The following RFX7 variants were observed in gnomAD, a reference collection of about 807,000 sequenced individuals.
RFX7 encodes DNA-binding protein RFX7.
In RFX7, 26 loss-of-function variants were observed where a neutral mutation model predicts 111.8. The ratio of observed to expected loss-of-function variants is 0.23; its 90% CI spans 0.17 to 0.32. The LOEUF is 0.32. Among genes scored for constraint, RFX7 ranks in the 10% least tolerant of loss-of-function variants. The pLI is 1.00. For synonymous variants in RFX7, 624 were observed against 624.4 expected, an observed-to-expected ratio of 1.00 and a Z score of 0.01; for missense variants, 1,573 against 1,772.9, an observed-to-expected ratio of 0.89 and a Z score of 2.02.
At chr15:56,187,660 A>G (rs1197642732) in intron 2 of RFX7, among the ~76,000 whole-genome samples, 2 of 152,198 alleles carry the variant, frequency 1.3e-5, no homozygotes, top group Non-Finnish European at 2.9e-5. Context: ...CAAAATTTCT[A>G]TATGAACTAC....
At chr15:56,161,994 G>A (rs2042725310) in intron 3 of RFX7, among the ~76,000 whole-genome samples, 1 of 152,028 alleles carries the variant, frequency 6.6e-6, no homozygotes, top group Non-Finnish European at 1.5e-5. Context: ...CTCAGGAGAA[G>A]CCAAGGTTAT....
At chr15:56,180,523 TGAGATGTGA>T (rs1464604314) in intron 2 of RFX7, among the ~76,000 whole-genome samples, 1 of 152,170 alleles carries the variant, frequency 6.6e-6, no homozygotes, top group African/African-American at 2.4e-5. Flanking sequence ...CAGTTTCCTC[TGAGATGTGA>T]GAGTAATCTA....
chr15:56,146,988 A>G (rs1295766221), intron 3 of RFX7, among the ~76,000 whole-genome samples: 1 of 152,234 alleles, frequency 6.6e-6, no homozygotes, highest in Non-Finnish European at 1.5e-5. Flanking sequence ...AACAATGCTC[A>G]CTGGTTTAGG....
intron 3 of RFX7, among the ~76,000 whole-genome samples, chr15:56,150,870 T>A (rs899666942): frequency 2.0e-5 from 3 of 152,008 alleles, no homozygotes; most frequent in Non-Finnish European, 4.4e-5. Flanking sequence ...GAGAAGAACA[T>A]AAATGACCTG....
intron 3 of RFX7, among the ~76,000 whole-genome samples, chr15:56,162,175 T>C (rs565716390): frequency 6.6e-6 from 1 of 152,178 alleles, no homozygotes; most frequent in South Asian, 2.1e-4. Flanking sequence ...GCTGCCACAA[T>C]GCTTTCAAAA....
chr15:56,234,027 G>C (rs1306701290), intron 2 of RFX7, among the ~76,000 whole-genome samples: 1 of 152,096 alleles, frequency 6.6e-6, no homozygotes, highest in African/African-American at 2.4e-5. Flanking sequence ...GATTAACAAT[G>C]ACCAAGTAAG....
In RFX7 at chr15:56,102,270, G is replaced by C. The variant is rs770449498; in HGVS notation, c.519-17C>G. 2 of 1,494,050 alleles carry C rather than the reference G, an allele frequency of 1.3e-6. No individual in the cohort carries two copies. Among genetic ancestry groups the C allele is most frequent in the Admixed American group, 3.6e-5 (2 of 54,994 alleles). 92.5% of individuals were successfully genotyped at this position (1,494,050 alleles called of 1,614,324 possible). ...TAGCAATATGTAATAAACAGTTAAG[G>C]TCTAAATATTCAAAATTAAATGAAT... On this transcript the variant is annotated splice_polypyrimidine_tract_variant and intron_variant, in intron 6 of 9. Transcript: ENST00000559447.
chr15:56,167,454 CT>C (rs2141101089), intron 3 of RFX7, among the ~76,000 whole-genome samples: 1 of 152,256 alleles, frequency 6.6e-6, no homozygotes, highest in African/African-American at 2.4e-5. Context: ...TAATAATGCT[CT>C]GGTGTTGGAT....
At chr15:56,134,846 T>C (rs533654385) in intron 5 of RFX7, among the ~76,000 whole-genome samples, 2 of 152,220 alleles carry the variant, frequency 1.3e-5, no homozygotes, top group African/African-American at 4.8e-5. Context: ...TCCCCACCTA[T>C]GAGTGAGAAT....
At chr15:56,194,130 A>C (rs1230336508) in intron 2 of RFX7, among the ~76,000 whole-genome samples, 2 of 152,164 alleles carry the variant, frequency 1.3e-5, no homozygotes, top group East Asian at 1.9e-4. Context: ...AATCATTGAT[A>C]AACTATTTTT....
At chr15:56,216,294 T>G (rs1453219292) in intron 2 of RFX7, among the ~76,000 whole-genome samples, 4 of 152,224 alleles carry the variant, frequency 2.6e-5, no homozygotes, top group African/African-American at 9.6e-5. Context: ...TTGTGGGCAA[T>G]TTTTAAAGAA....
At chr15:56,119,235 T>A (rs1041905930) in intron 5 of RFX7, among the ~76,000 whole-genome samples, 2 of 152,202 alleles carry the variant, frequency 1.3e-5, no homozygotes, top group African/African-American at 4.8e-5. Context: ...CCTGTGCTTG[T>A]AGGGTATTGC....
At chr15:56,167,217 A>C (rs1314465844) in intron 3 of RFX7, among the ~76,000 whole-genome samples, 1 of 152,158 alleles carries the variant, frequency 6.6e-6, no homozygotes, top group Non-Finnish European at 1.5e-5. Flanking sequence ...CTGAGGCAGA[A>C]GGATCACTTG....
chr15:56,200,642 T>A (rs1336426023), intron 2 of RFX7, among the ~76,000 whole-genome samples: 1 of 151,742 alleles, frequency 6.6e-6, no homozygotes, highest in East Asian at 1.9e-4. Flanking sequence ...CTACTAAAAA[T>A]ACAAAAATTA....
chr15:56,138,756 G>A (rs1474095886), intron 5 of RFX7, among the ~76,000 whole-genome samples: 1 of 152,036 alleles, frequency 6.6e-6, no homozygotes, highest in African/African-American at 2.4e-5. Flanking sequence ...GCTGGTACTG[G>A]TTTTTCCTTT....
At position 56,094,951 on chromosome 15, in the gene RFX7, G is replaced by T; in HGVS notation, c.2777C>A (p.Ser926Ter). ...SQSVTPGAPM[S>*]SHTSSTHFYH... ...GAAGTGGGTGCTGGAAGTGTGAGAT[G>T]ACATTGGAGCTCCTGGAGTTACTGA... Residue 926 changes from serine (S) to a stop codon, truncating the protein, a stop_gained, in exon 10 of 10, where the codon TCA (serine) becomes TAA (stop). Coordinates refer to ENST00000559447, the MANE Select transcript of RFX7 (RefSeq NM_022841.7). LOFTEE classifies it high-confidence loss of function. 6.2e-7 allele frequency: 1 copy of T among 1,600,834 alleles called. No individual in the cohort carries two copies. Among genetic ancestry groups the T allele is most frequent in the South Asian group, 1.1e-5 (1 of 87,906 alleles).
At chr15:56,231,337 G>A (rs1166618135) in intron 2 of RFX7, among the ~76,000 whole-genome samples, 1 of 152,152 alleles carries the variant, frequency 6.6e-6, no homozygotes, top group African/African-American at 2.4e-5. Flanking sequence ...AAGAAAAAGA[G>A]GTTTAATGGA....
chr15:56,236,415 T>A (rs2043624337), intron 2 of RFX7, among the ~76,000 whole-genome samples: 1 of 152,132 alleles, frequency 6.6e-6, no homozygotes, highest in African/African-American at 2.4e-5. Flanking sequence ...ATGCTTCTCA[T>A]CTTTAACTCG....
chr15:56,095,126 C>T lies in RFX7; in HGVS notation c.2602G>A (p.Val868Ile), dbSNP rs529508461. Residue 868 changes from valine (V) to isoleucine (I), a missense_variant, in exon 10 of 10, where the codon GTT becomes ATT. Coordinates refer to ENST00000559447, the MANE Select transcript of RFX7 (RefSeq NM_022841.7). ...AAGTAGCTTTCATTTGTCTGGGAAA[C>T]AGAAGGCTCAAACTCCTTCAGTTCA... Reference protein sequence around the residue: ...QSELKEFEPSVSQTNESYFPF... With the variant: ...QSELKEFEPSISQTNESYFPF... 3 of 1,613,882 alleles carry T rather than the reference C, an allele frequency of 1.9e-6. No individual in the cohort carries two copies. The highest frequency in any genetic ancestry group is 1.7e-5 in the Admixed American group (1 of 60,022).
Sources: allele counts gnomAD v4.1 joint callset (sites outside exome capture counted in the v4.1 genomes callset), GRCh38; gene constraint gnomAD v4.1.1; transcripts MANE v1.5; gene names NCBI Gene and HGNC (gene_info 2026-07-23, HGNC 2026-07-21).